Variants in LDLRAD3 observed in about 807,000 individuals in gnomAD.
LDLRAD3 encodes the protein low-density lipoprotein receptor class A domain-containing protein 3.
A neutral mutation model predicts 29.4 loss-of-function variants in LDLRAD3; 20 were observed. That is an observed-to-expected ratio of 0.68 (90% CI 0.48 to 0.99). The LOEUF (loss-of-function observed/expected upper bound fraction) is 0.99. LDLRAD3 is among the 50% of genes least tolerant of loss of function. The pLI is 0.00. For missense variants in LDLRAD3, 420 were observed against 454.3 expected, an observed-to-expected ratio of 0.92 and a Z score of 0.69; for synonymous variants, 157 against 192.7, an observed-to-expected ratio of 0.81 and a Z score of 1.53.
In LDLRAD3 at chr11:36,098,422, C is replaced by T; in HGVS notation, c.415C>T (p.Gln139Ter). 1 of 1,614,204 alleles carries T rather than the reference C, an allele frequency of 6.2e-7. No homozygotes were observed. The highest frequency in any genetic ancestry group is 8.5e-7 in the Non-Finnish European group (1 of 1,180,018). ...CATCTGCGATGGACAGAATAACTGTCAAGACAACAGTGATGAGGAAAGCTG... is the reference window on the plus strand; with the variant it reads ...CATCTGCGATGGACAGAATAACTGTTAAGACAACAGTGATGAGGAAAGCTG... ...SFICDGQNNC[Q>*]DNSDEESCES... Residue 139 changes from glutamine (Q) to a stop codon, truncating the protein, a stop_gained, in exon 4 of 6, where the codon CAA becomes TAA. Coordinates refer to ENST00000315571, the MANE Select transcript of LDLRAD3 (RefSeq NM_174902.4). LOFTEE classifies it high-confidence loss of function.
chr11:36,106,827 C>T (rs1165118943), intron 4 of LDLRAD3, among the ~76,000 whole-genome samples: 1 of 152,208 alleles, frequency 6.6e-6, no homozygotes, highest in Non-Finnish European at 1.5e-5. Flanking sequence ...GCTGTGTGAC[C>T]TGGCAGAATG....
At chr11:36,074,332 G>A (rs2133249479) in intron 2 of LDLRAD3, among the ~76,000 whole-genome samples, 1 of 152,340 alleles carries the variant, frequency 6.6e-6, no homozygotes, top group Non-Finnish European at 1.5e-5. Flanking sequence ...CTGAGGGTTA[G>A]AGCGACTAAG....
At chr11:36,152,352 C>T (rs78417755) in intron 4 of LDLRAD3, among the ~76,000 whole-genome samples, 2,650 of 152,290 alleles carry the variant, frequency 0.017, 95 homozygotes, top group African/African-American at 0.06. Context: ...ATTCAGCTTT[C>T]GTCTCATTTT....
At chr11:36,223,268 C>G (rs1233472566) in intron 4 of LDLRAD3, among the ~76,000 whole-genome samples, 1 of 152,158 alleles carries the variant, frequency 6.6e-6, no homozygotes, top group Non-Finnish European at 1.5e-5. Context: ...CTTTCGGAGA[C>G]ATAAGTGAGC....
At chr11:36,168,729 G>T (rs895564914) in intron 4 of LDLRAD3, among the ~76,000 whole-genome samples, 1 of 152,100 alleles carries the variant, frequency 6.6e-6, no homozygotes, top group Admixed American at 6.6e-5. Flanking sequence ...TTCAACATTA[G>T]CCAGGGAGTA....
chr11:36,119,343 T>G (rs1049891903), intron 4 of LDLRAD3, among the ~76,000 whole-genome samples: 1 of 152,220 alleles, frequency 6.6e-6, no homozygotes, highest in Non-Finnish European at 1.5e-5. Context: ...AGTGGAATTG[T>G]TGGGTTATGT....
At chr11:36,161,387 C>T (rs984329961) in intron 4 of LDLRAD3, among the ~76,000 whole-genome samples, 11 of 152,118 alleles carry the variant, frequency 7.2e-5, no homozygotes, top group African/African-American at 2.7e-4. Flanking sequence ...CAACTGCTTC[C>T]TGCTAGCAGG....
intron 1 of LDLRAD3, among the ~76,000 whole-genome samples, chr11:36,024,311 A>G (rs558797587): frequency 6.1e-4 from 90 of 148,680 alleles, no homozygotes; most frequent in Admixed American, 1.7e-3. Flanking sequence ...ACCTATATAT[A>G]TGTTTTATAT....
chr11:36,075,658 G>A (rs1049393989), intron 2 of LDLRAD3, among the ~76,000 whole-genome samples: 3 of 152,076 alleles, frequency 2.0e-5, no homozygotes, highest in Admixed American at 6.5e-5. Context: ...TGTCTGCTTC[G>A]TGGTGACTTT....
At chr11:36,199,588 C>CGCAT (rs1855089345) in intron 4 of LDLRAD3, among the ~76,000 whole-genome samples, 1 of 149,394 alleles carries the variant, frequency 6.7e-6, no homozygotes, top group African/African-American at 2.4e-5. Context: ...CACACACACA[C>CGCAT]GCACGCACGC....
At chr11:36,219,057 C>G (rs1489719096) in intron 4 of LDLRAD3, among the ~76,000 whole-genome samples, 2 of 152,256 alleles carry the variant, frequency 1.3e-5, no homozygotes, top group Non-Finnish European at 2.9e-5. Context: ...CAAATCTGAC[C>G]TGCTACCTGT....
At chr11:35,992,076 A>G (rs1851698508) in intron 1 of LDLRAD3, among the ~76,000 whole-genome samples, 1 of 152,182 alleles carries the variant, frequency 6.6e-6, no homozygotes, top group Non-Finnish European at 1.5e-5. Context: ...TCCTGTGAGC[A>G]TGGAAGTGCC....
intron 4 of LDLRAD3, among the ~76,000 whole-genome samples, chr11:36,139,839 T>C (rs988162507): frequency 3.9e-5 from 6 of 152,086 alleles, no homozygotes; most frequent in African/African-American, 1.4e-4. Flanking sequence ...ATGGAAAGAA[T>C]AGGGGGCAAC....
intron 1 of LDLRAD3, among the ~76,000 whole-genome samples, chr11:36,000,929 G>T (rs570827094): frequency 1.3e-5 from 2 of 152,134 alleles, no homozygotes; most frequent in Non-Finnish European, 2.9e-5. Context: ...GCAGAGACAC[G>T]TGGGAAGGAT....
chr11:36,056,246 G>T (rs377633855), intron 2 of LDLRAD3, among the ~76,000 whole-genome samples: 1 of 152,096 alleles, frequency 6.6e-6, no homozygotes. Context: ...ACCCGCCGCG[G>T]CCTCCCAAAG....
intron 2 of LDLRAD3, among the ~76,000 whole-genome samples, chr11:36,063,861 G>C (rs981130887): frequency 6.6e-6 from 1 of 152,132 alleles, no homozygotes; most frequent in Admixed American, 6.5e-5. Flanking sequence ...CTCTAATTTT[G>C]TTCTTCTTTT....
At chr11:36,020,977 A>G (rs141035557) in intron 1 of LDLRAD3, among the ~76,000 whole-genome samples, 5 of 152,326 alleles carry the variant, frequency 3.3e-5, no homozygotes, top group African/African-American at 1.2e-4. Flanking sequence ...GATGGGACAT[A>G]TTAATGAAAG....
chr11:36,182,174 A>T (rs1854774907), intron 4 of LDLRAD3, among the ~76,000 whole-genome samples: 1 of 152,182 alleles, frequency 6.6e-6, no homozygotes, highest in South Asian at 2.1e-4. Flanking sequence ...AAGGTAAAGA[A>T]ATTGATCAGC....
intron 4 of LDLRAD3, among the ~76,000 whole-genome samples, chr11:36,179,738 A>G (rs1230362565): frequency 9.2e-5 from 14 of 152,142 alleles, no homozygotes; most frequent in Admixed American, 9.2e-4. Flanking sequence ...CATGCCTATA[A>G]TTCCAGCACT....
Sources: allele counts gnomAD v4.1 joint callset (sites outside exome capture counted in the v4.1 genomes callset), GRCh38; gene constraint gnomAD v4.1.1; transcripts MANE v1.5; gene names NCBI Gene and HGNC (gene_info 2026-07-23, HGNC 2026-07-21).